Variants in GABPB1 observed in about 807,000 individuals in gnomAD.
GABPB1 encodes the protein GA-binding protein subunit beta-1.
Under a neutral mutation model 45.9 loss-of-function variants are expected in GABPB1, and 15 were observed. That is an observed-to-expected ratio of 0.33 (90% CI 0.22 to 0.50). GABPB1 has a LOEUF of 0.50. Among genes scored for constraint, GABPB1 ranks in the 20% least tolerant of loss-of-function variants. The pLI is 0.98. For synonymous variants in GABPB1, 143 were observed against 154.4 expected (o/e 0.93, Z 0.55); for missense variants, 252 against 457.5 (o/e 0.55, Z 4.10).
chr15:50,292,507 C>A (rs533036761), intron 6 of GABPB1, among the ~76,000 whole-genome samples: 1 of 151,916 alleles, frequency 6.6e-6, no homozygotes, highest in Non-Finnish European at 1.5e-5. Context: ...TGAAAAGACC[C>A]GGCAGTCATC....
chr15:50,313,853 T>A (rs941791125), intron 1 of GABPB1, among the ~76,000 whole-genome samples: 5 of 152,078 alleles, frequency 3.3e-5, no homozygotes, highest in South Asian at 4.1e-4. Flanking sequence ...ATTTAAAAAA[T>A]TTTTTTTCAA....
chr15:50,336,890 T>A (rs957629955), intron 1 of GABPB1, among the ~76,000 whole-genome samples: 6 of 149,076 alleles, frequency 4.0e-5, no homozygotes, highest in African/African-American at 1.5e-4. Flanking sequence ...GCTCAGGAGC[T>A]TCAGGCCAGC....
chr15:50,305,945 C>T (rs1171351663), intron 2 of GABPB1, among the ~76,000 whole-genome samples: 2 of 151,924 alleles, frequency 1.3e-5, no homozygotes, highest in East Asian at 1.9e-4. Flanking sequence ...CCACACCTGG[C>T]CATGTAGTTT....
intron 1 of GABPB1, among the ~76,000 whole-genome samples, chr15:50,337,777 GA>G (rs201678315): frequency 1.3e-5 from 2 of 149,214 alleles, no homozygotes; most frequent in South Asian, 2.1e-4. Flanking sequence ...AACTGAAAAA[GA>G]AAAAAAAAGA....
intron 1 of GABPB1, among the ~76,000 whole-genome samples, chr15:50,335,339 A>G (rs746933235): frequency 5.3e-5 from 8 of 152,170 alleles, no homozygotes; most frequent in Non-Finnish European, 1.0e-4. Context: ...ATAAGACTTT[A>G]CATGTCCACA....
In GABPB1 at chr15:50,276,819, T is replaced by G. The variant is rs949027621; in HGVS notation, c.*1813A>C. 7 of 152,238 alleles carry G rather than the reference T, an allele frequency of 4.6e-5. No homozygotes were observed. Among genetic ancestry groups the G allele is most frequent in the Non-Finnish European group, 8.8e-5 (6 of 68,046 alleles). The allele number at this position is 152,238 out of a possible 1,614,324, so 9.4% of individuals were successfully genotyped here. A position where few individuals can be genotyped will look rare whatever the true frequency, so the allele number is the denominator to read the frequency against. On this transcript the variant is annotated 3_prime_UTR_variant, in exon 9 of 9. Transcript: ENST00000380877. ...CCCTGCCTAACATGACAAATTAATG[T>G]ACCGAAGTAACCAGAAACAACATTC...
At chr15:50,304,193 A>G (rs1295737862) in intron 2 of GABPB1, 60 bp from the exon 3 acceptor site, 25 of 1,389,994 alleles carry the variant, frequency 1.8e-5, no homozygotes, top group Non-Finnish European at 2.4e-5. Context: ...ACTTCTGTTT[A>G]TATAGTAAAC....
intron 6 of GABPB1, among the ~76,000 whole-genome samples, chr15:50,293,886 G>T (rs2046427899): frequency 6.6e-6 from 1 of 152,044 alleles, no homozygotes; most frequent in South Asian, 2.1e-4. Context: ...GAAGCCTTAA[G>T]AACAATCTAA....
At chr15:50,326,619 G>A (rs1165606565) in intron 1 of GABPB1, among the ~76,000 whole-genome samples, 3 of 151,940 alleles carry the variant, frequency 2.0e-5, no homozygotes, top group African/African-American at 7.3e-5. Flanking sequence ...CTGAGACGGC[G>A]CCATTGCACT....
At chr15:50,352,851 T>C (rs1198214616) in intron 1 of GABPB1, 1 of 152,244 alleles carries the variant, frequency 6.6e-6, no homozygotes, top group East Asian at 1.9e-4. Context: ...AAATACGGCC[T>C]TAAATTTTTA....
chr15:50,315,429 G>A (rs1349895014), intron 1 of GABPB1, among the ~76,000 whole-genome samples: 1 of 152,140 alleles, frequency 6.6e-6, no homozygotes, highest in Non-Finnish European at 1.5e-5. Flanking sequence ...ACTGCACCCA[G>A]CAACTATGAT....
chr15:50,303,023 T>A lies in GABPB1; in HGVS notation c.377A>T (p.Tyr126Phe). The part of the protein sequence containing the change: ...HQEVVELLIK[Y>F]GADVHTQSKF... Reference sequence around the variant, plus strand: ...ACTTTGCGTGTGTACATCAGCACCATATTTGATTAAAAGTTCCACCACCTC... The same window carrying A: ...ACTTTGCGTGTGTACATCAGCACCAAATTTGATTAAAAGTTCCACCACCTC... The change falls in exon 4 of 9, where the codon TAT (tyrosine) becomes TTT (phenylalanine). Residue 126 changes from tyrosine (Y) to phenylalanine (F), a missense_variant. Tyr to Phe is a conservative substitution (Grantham distance 22). Transcript: ENST00000380877. 6.2e-7 allele frequency: 1 copy of A among 1,613,892 alleles called. No homozygotes were observed. Among genetic ancestry groups the A allele is most frequent in the Admixed American group, 1.7e-5 (1 of 60,022 alleles).
intron 1 of GABPB1, chr15:50,314,784 T>C (rs901206124): frequency 2.0e-5 from 3 of 152,380 alleles, no homozygotes; most frequent in Admixed American, 1.3e-4. Flanking sequence ...ACAGTGTTAA[T>C]GTATTCCAAA....
intron 6 of GABPB1, 35 bp from the exon 7 acceptor site, chr15:50,289,703 T>G: frequency 6.6e-7 from 1 of 1,517,572 alleles, no homozygotes; most frequent in Middle Eastern, 1.8e-4. Flanking sequence ...AGCAAACATA[T>G]GTAACGGTAT....
chr15:50,295,463 T>C (rs2046479298), intron 6 of GABPB1, among the ~76,000 whole-genome samples: 1 of 152,176 alleles, frequency 6.6e-6, no homozygotes, highest in African/African-American at 2.4e-5. Context: ...TAATTTTCAG[T>C]TTAAATGTTT....
At chr15:50,346,748 G>T (rs1445366194) in intron 1 of GABPB1, among the ~76,000 whole-genome samples, 4 of 150,800 alleles carry the variant, frequency 2.7e-5, no homozygotes, top group South Asian at 2.1e-4. Flanking sequence ...TCTTTTTGCT[G>T]TAACCTCATG....
chr15:50,321,204 C>T lies in GABPB1; in HGVS notation c.1-11406G>A, dbSNP rs77074454. Among the ~76,000 whole-genome samples the T allele has an allele frequency of 5.4e-3, 825 of 152,274 alleles. 6 individuals carry two copies. Among genetic ancestry groups the T allele is most frequent in the African/African-American group, 0.019 (790 of 41,544 alleles). ...TATGGTGAGAAGCAGGATTGCTAGA[C>T]TTGTTTAAAATCACATTTTAGTTGT... On this transcript the variant is annotated intron_variant, in intron 1 of 8. Coordinates refer to ENST00000380877, the MANE Select transcript of GABPB1 (RefSeq NM_016654.5).
At chr15:50,331,963 C>A (rs2047964095) in intron 1 of GABPB1, among the ~76,000 whole-genome samples, 1 of 151,942 alleles carries the variant, frequency 6.6e-6, no homozygotes, top group African/African-American at 2.4e-5. Flanking sequence ...CAACCTCCAC[C>A]TCCTGGGTTC....
intron 2 of GABPB1, among the ~76,000 whole-genome samples, chr15:50,308,473 G>T (rs1353465710): frequency 2.6e-5 from 4 of 152,142 alleles, no homozygotes; most frequent in Non-Finnish European, 4.4e-5. Flanking sequence ...CGGCAACAGG[G>T]GCAAGGGCAG....
Sources: gnomAD v4.1 joint callset for allele counts (sites outside exome capture counted in the v4.1 genomes callset) on GRCh38, gnomAD v4.1.1 for gene constraint, MANE v1.5 for transcripts, NCBI Gene and HGNC (gene_info 2026-07-23, HGNC 2026-07-21) for gene names.